GLUD1: variants seen among roughly 807,000 people sequenced by gnomAD.
GLUD1 encodes glutamate dehydrogenase 1.
GLUD1 carries 22 observed loss-of-function variants against 56.0 expected under a neutral mutation model. That is an observed-to-expected ratio of 0.39 (90% CI 0.28 to 0.56). GLUD1 has a LOEUF of 0.56. GLUD1 is among the 20% of genes least tolerant of loss of function. GLUD1 has a pLI of 0.58. For synonymous variants in GLUD1, 223 were observed against 269.9 expected, an observed-to-expected ratio of 0.83 and a Z score of 1.70; for missense variants, 451 against 732.0, an observed-to-expected ratio of 0.62 and a Z score of 4.43.
chr10:87,067,427 T>C (rs1228630642), intron 5 of GLUD1, among the ~76,000 whole-genome samples: 2 of 152,216 alleles, frequency 1.3e-5, no homozygotes, highest in African/African-American at 4.8e-5. Context: ...GGTTTCCCCA[T>C]GTTGTCCAGG....
chr10:87,070,265 C>T (rs546629805), intron 4 of GLUD1, among the ~76,000 whole-genome samples: 6 of 151,672 alleles, frequency 4.0e-5, no homozygotes, highest in Non-Finnish European at 8.8e-5. Context: ...CAAGCCTGGG[C>T]AACATAGTGA....
chr10:87,091,244 G>C (rs1348027721), intron 1 of GLUD1, among the ~76,000 whole-genome samples: 2 of 15,966 alleles, frequency 1.3e-4, no homozygotes, highest in Admixed American at 8.4e-4. Flanking sequence ...CAAGACAACT[G>C]GGGGGGGGCA....
At chr10:87,082,350 T>A (rs1443001826) in intron 1 of GLUD1, among the ~76,000 whole-genome samples, 1 of 152,234 alleles carries the variant, frequency 6.6e-6, no homozygotes, top group East Asian at 1.9e-4. Flanking sequence ...CATGTTCCGC[T>A]GGATGGAACC....
At chr10:87,055,833 C>T (rs972384814) in intron 11 of GLUD1, among the ~76,000 whole-genome samples, 1 of 151,968 alleles carries the variant, frequency 6.6e-6, no homozygotes, top group Admixed American at 6.6e-5. Context: ...GATATATTGA[C>T]GGCCGGGCGC....
intron 11 of GLUD1, among the ~76,000 whole-genome samples, chr10:87,056,115 C>CAAAAAAAAAAAAAAAAAAAA (rs201114912): frequency 1.6e-5 from 1 of 62,758 alleles, no homozygotes; most frequent in Non-Finnish European, 2.8e-5. Context: ...GACTCTGTCT[C>CAAAAAAAAAAAAAAAAAAAA]AAAAAAAAAA....
intron 1 of GLUD1, chr10:87,093,791 TC>T: frequency 1.8e-6 from 1 of 554,292 alleles, no homozygotes; most frequent in South Asian, 1.6e-5. Context: ...ATTAGTAAAT[TC>T]CTTTGGTTAA....
At chr10:87,080,087 G>T (rs1423709648) in intron 1 of GLUD1, among the ~76,000 whole-genome samples, 1 of 151,822 alleles carries the variant, frequency 6.6e-6, no homozygotes, top group African/African-American at 2.4e-5. Flanking sequence ...GCAGGCGCGC[G>T]CCGCCACGCC....
chr10:87,083,205 T>A (rs1841303080), intron 1 of GLUD1, among the ~76,000 whole-genome samples: 1 of 143,418 alleles, frequency 7.0e-6, no homozygotes, highest in Non-Finnish European at 1.5e-5. Flanking sequence ...AGTTTGAGAC[T>A]GTCTCAAAAA....
intron 10 of GLUD1, among the ~76,000 whole-genome samples, chr10:87,058,717 C>T (rs1241964655): frequency 6.6e-6 from 1 of 152,066 alleles, no homozygotes; most frequent in African/African-American, 2.4e-5. Context: ...ATGGTGAAAC[C>T]CCGTCTCTAT....
intron 1 of GLUD1, among the ~76,000 whole-genome samples, chr10:87,090,727 A>C (rs990382766): frequency 1.3e-5 from 2 of 152,172 alleles, no homozygotes; most frequent in Non-Finnish European, 2.9e-5. Context: ...TCACCTACAA[A>C]GGTTATATTT....
intron 5 of GLUD1, among the ~76,000 whole-genome samples, chr10:87,067,356 G>C (rs1454480434): frequency 6.6e-6 from 1 of 152,186 alleles, no homozygotes; most frequent in East Asian, 1.9e-4. Flanking sequence ...CTCCCAGGTA[G>C]CTGGGATTAT....
At chr10:87,077,981 C>T (rs1846448409) in intron 1 of GLUD1, among the ~76,000 whole-genome samples, 1 of 152,164 alleles carries the variant, frequency 6.6e-6, no homozygotes, top group South Asian at 2.1e-4. Context: ...ATCTCATGGA[C>T]TGGCAGTTTG....
At chr10:87,083,117 C>T (rs1309828754) in intron 1 of GLUD1, among the ~76,000 whole-genome samples, 2 of 151,572 alleles carry the variant, frequency 1.3e-5, no homozygotes, top group African/African-American at 2.4e-5. Flanking sequence ...GGCACATTCC[C>T]GTAGTCCCAT....
chr10:87,090,831 T>C lies in GLUD1; in HGVS notation c.445+3494A>G, dbSNP rs149789714. Among the ~76,000 whole-genome samples, 134 of 152,304 alleles carry C rather than the reference T, an allele frequency of 8.8e-4. No individual in the cohort carries two copies. In the East Asian group the frequency reaches 0.019, roughly 21 times the overall value. The stretch of plus-strand genomic sequence containing the variant: ...TACCTAAGTTTTGATGGTTGTCAAT[T>C]GAGCACAGCAAAATAAGTCAGAAAC... On this transcript the variant is annotated intron_variant, in intron 1 of 12. Coordinates refer to ENST00000277865, the MANE Select transcript of GLUD1 (RefSeq NM_005271.5).
At chr10:87,064,915 A>T (rs2133805115) in intron 5 of GLUD1, among the ~76,000 whole-genome samples, 1 of 152,310 alleles carries the variant, frequency 6.6e-6, no homozygotes. Context: ...AGAAGAATAC[A>T]TTCTCCCACC....
intron 4 of GLUD1, 136 bp from the exon 5 acceptor site, chr10:87,068,293 C>T (rs2296061): frequency 0.23 from 156,300 of 668,304 alleles, 22,644 homozygotes; most frequent in East Asian, 0.67. Context: ...GGTAGCTAAT[C>T]AAAGTCATAG....
rs11431413 is a variant in GLUD1 at position 87,083,219 on chromosome 10, T to TAAA, written c.446-6566_446-6564dup. ...CAGTTTGAGACTGTCTCAAAAAAAT[T>TAAA]AAAAAAAAAAAAAAAAGTAAGAATA... On this transcript the variant is annotated intron_variant, in intron 1 of 12. Transcript: ENST00000277865. 6.3e-3 allele frequency among the ~76,000 whole-genome samples: 848 copies of TAAA among 134,600 alleles called. 4 individuals carry two copies. The highest frequency in any genetic ancestry group is 8.9e-3 in the Non-Finnish European group (544 of 61,300). The allele number at this position is 134,600 out of a possible 152,430, so 88.3% of individuals were successfully genotyped here. A position where few individuals can be genotyped will look rare whatever the true frequency, so the allele number is the denominator to read the frequency against.
At chr10:87,080,094 C>T (rs574033283) in intron 1 of GLUD1, among the ~76,000 whole-genome samples, 2 of 151,888 alleles carry the variant, frequency 1.3e-5, no homozygotes, top group South Asian at 2.1e-4. Flanking sequence ...CGCGCCGCCA[C>T]GCCTGACTGG....
At position 87,090,403 on chromosome 10, in the gene GLUD1, G is replaced by A. The variant is rs139968374; in HGVS notation, c.445+3922C>T. On this transcript the variant is annotated intron_variant, in intron 1 of 12. Transcript: ENST00000277865. ...AAAGTATACTTTGGATAATGAGTGA[G>A]CAGCTGTTTGTCTTCCTGCACGTGG... is the stretch of plus-strand genomic sequence containing the variant. Among the ~76,000 whole-genome samples the A allele has an allele frequency of 7.7e-3, 1,169 of 152,268 alleles. 17 individuals are homozygous for A. Among genetic ancestry groups the A allele is most frequent in the African/African-American group, 0.027 (1,124 of 41,546 alleles).
Sources: gnomAD v4.1 joint callset for allele counts (sites outside exome capture counted in the v4.1 genomes callset) on GRCh38, gnomAD v4.1.1 for gene constraint, MANE v1.5 for transcripts, NCBI Gene and HGNC (gene_info 2026-07-23, HGNC 2026-07-21) for gene names.